The following CGB1 variants were observed in gnomAD, a reference collection of about 807,000 sequenced individuals.
CGB1 encodes chorionic gonadotropin subunit beta 1.
Under a neutral mutation model 7.0 loss-of-function variants are expected in CGB1, and 4 were observed. The ratio of observed to expected loss-of-function variants is 0.57; its 90% CI spans 0.28 to 1.31. The LOEUF is 1.31. Among genes scored for constraint, CGB1 ranks in the 50% most tolerant of loss-of-function variants. The probability of loss-of-function intolerance (pLI) is 0.10; values close to 1 mark genes in which losing one functional copy is unlikely to be tolerated. For synonymous variants in CGB1, 72 were observed against 96.4 expected, an observed-to-expected ratio of 0.75 and a Z score of 1.48; for missense variants, 139 against 219.1, an observed-to-expected ratio of 0.63 and a Z score of 2.31.
At position 49,036,863 on chromosome 19, in the gene CGB1, T is replaced by C; in HGVS notation, c.-152A>G. ...AGTCAGCGGACCCAATTGGCTGCTC[T>C]CTCTCAGATGCAGTTCCCCTTCCTC... On this transcript the variant is annotated 5_prime_UTR_variant, in exon 1 of 3. Transcript: ENST00000301407. 9.1e-7 allele frequency: 1 copy of C among 1,093,472 alleles called. No individual in the cohort carries two copies. The highest frequency in any genetic ancestry group is 1.3e-5 in the South Asian group (1 of 74,286). The allele number at this position is 1,093,472 out of a possible 1,614,324, so 67.7% of individuals were successfully genotyped here.
intron 1 of CGB1, 102 bp from the exon 2 acceptor site, chr19:49,036,405 T>C: frequency 6.3e-7 from 1 of 1,599,206 alleles, no homozygotes. Context: ...CAGAGACCCT[T>C]CCCGGCATCT....
At chr19:49,036,515 A>T in intron 1 of CGB1, 188 bp downstream of exon 1, 3 of 1,594,210 alleles carry the variant, frequency 1.9e-6, no homozygotes, top group South Asian at 1.1e-5. Context: ...CACCCTCAGG[A>T]ACTGACCCAC....
chr19:49,035,605 G>A lies in CGB1; in HGVS notation c.*5C>T. 6.2e-7 allele frequency: 1 copy of A among 1,611,882 alleles called. No individual in the cohort carries two copies. Among genetic ancestry groups the A allele is most frequent in the East Asian group, 2.2e-5 (1 of 44,870 alleles). On this transcript the variant is annotated 3_prime_UTR_variant, in exon 3 of 3. Coordinates refer to ENST00000301407, the MANE Select transcript of CGB1 (RefSeq NM_033377.2). Reference sequence around the variant, plus strand: ...AAGCCTTTATTGTGGGAGGATCGGGGTGTCCTAGGGCCCCGGGAGACGGGA... The same window carrying A: ...AAGCCTTTATTGTGGGAGGATCGGGATGTCCTAGGGCCCCGGGAGACGGGA...
At position 49,036,477 on chromosome 19, in the gene CGB1, C is replaced by A. The variant is rs1045073341; in HGVS notation, c.10-174G>T. Reference sequence around the variant, plus strand: ...AGAGCCCACCCCACAGCCCAGAGGACCTGAGATACCCCAACATTTCAGATC... The same window carrying A: ...AGAGCCCACCCCACAGCCCAGAGGAACTGAGATACCCCAACATTTCAGATC... On this transcript the variant is annotated intron_variant, in intron 1 of 2. Transcript: ENST00000301407. The A allele has an allele frequency of 2.6e-6, 4 of 1,553,198 alleles. No homozygotes were observed. In the African/African-American group the frequency reaches 5.4e-5, roughly 21 times the overall value.
chr19:49,035,974 C>T, intron 2 of CGB1, 74 bp from the exon 3 acceptor site: 4 of 1,254,952 alleles, frequency 3.2e-6, no homozygotes, highest in Non-Finnish European at 4.3e-6. Context: ...CAGCTGCCCC[C>T]ACAGGTCTCA....
chr19:49,036,786 G>T lies in CGB1; in HGVS notation c.-75C>A, dbSNP rs1270624555. 4 of 1,608,062 alleles carry T rather than the reference G, an allele frequency of 2.5e-6. No homozygotes were observed. The highest frequency in any genetic ancestry group is 3.4e-6 in the Non-Finnish European group (4 of 1,174,906). ...GGAAAGTAAATTGAGTCTCCGTGGG[G>T]GAGTGAGACAGGGAGTGAGGGGTGT... On this transcript the variant is annotated 5_prime_UTR_variant, in exon 1 of 3. Coordinates refer to ENST00000301407, the MANE Select transcript of CGB1 (RefSeq NM_033377.2).
rs368040682 is a variant in CGB1, at chr19:49,036,055, G to A, written c.177+81C>T. 21 of 1,589,906 alleles carry A rather than the reference G, an allele frequency of 1.3e-5. No homozygotes were observed. The East Asian group carries it at 4.3e-4, about 32-fold the overall frequency. Reference sequence around the variant, plus strand: ...CATTCCGCAGCCCCTGACCAGAGAGGCAGACCACCCTTCCTCCCCCGCTGC... The same window carrying A: ...CATTCCGCAGCCCCTGACCAGAGAGACAGACCACCCTTCCTCCCCCGCTGC... On this transcript the variant is annotated intron_variant, in intron 2 of 2. Transcript: ENST00000301407.
rs2039826306 is a variant in CGB1 at position 49,036,806 on chromosome 19, G to C, written c.-95C>G. 1.6e-5 allele frequency: 25 copies of C among 1,588,156 alleles called. No homozygotes were observed. Among genetic ancestry groups the C allele is most frequent in the Non-Finnish European group, 2.1e-5 (24 of 1,157,154 alleles). ...GTGGGGGAGTGAGACAGGGAGTGAGGGGTGTTGGACGCGGCACGGGAACCT... is the reference window on the plus strand; with the variant it reads ...GTGGGGGAGTGAGACAGGGAGTGAGCGGTGTTGGACGCGGCACGGGAACCT... On this transcript the variant is annotated 5_prime_UTR_variant, in exon 1 of 3. Coordinates refer to ENST00000301407, the MANE Select transcript of CGB1 (RefSeq NM_033377.2).
In CGB1 at chr19:49,035,588, A is replaced by G; in HGVS notation, c.*22T>C. ...CCAGAGTGCGGATTGAGAAGCCTTT[A>G]TTGTGGGAGGATCGGGGTGTCCTAG... On this transcript the variant is annotated 3_prime_UTR_variant, in exon 3 of 3. Coordinates refer to ENST00000301407, the MANE Select transcript of CGB1 (RefSeq NM_033377.2). 6.2e-7 allele frequency: 1 copy of G among 1,611,846 alleles called. No homozygotes were observed. Among genetic ancestry groups the G allele is most frequent in the Non-Finnish European group, 8.5e-7 (1 of 1,179,890 alleles).
Position 49,036,793 on chromosome 19 carries a change from G to T in CGB1, c.-82C>A. On this transcript the variant is annotated 5_prime_UTR_variant, in exon 1 of 3. Transcript: ENST00000301407. ...AAATTGAGTCTCCGTGGGGGAGTGA[G>T]ACAGGGAGTGAGGGGTGTTGGACGC... The T allele has an allele frequency of 6.2e-7, 1 of 1,602,158 alleles. No individual in the cohort carries two copies. Among genetic ancestry groups the T allele is most frequent in the Non-Finnish European group, 8.6e-7 (1 of 1,169,510 alleles).
At position 49,036,889 on chromosome 19, in the gene CGB1, C is replaced by T. The variant is rs2039828600; in HGVS notation, c.-178G>A. 5.9e-6 allele frequency: 5 copies of T among 848,600 alleles called. No homozygotes were observed. The African/African-American group carries it at 6.7e-5, about 11-fold the overall frequency. The allele number at this position is 848,600 out of a possible 1,614,324, so 52.6% of individuals were successfully genotyped here. ...CTCTCAGATGCAGTTCCCCTTCCTC[C>T]CTCCAGGGGGCGCCACGGAACGCAG... On this transcript the variant is annotated 5_prime_UTR_variant, in exon 1 of 3. Transcript: ENST00000301407.
intron 2 of CGB1, 54 bp downstream of exon 2, chr19:49,036,082 T>C (rs2039812689): frequency 6.2e-7 from 1 of 1,602,222 alleles, no homozygotes; most frequent in South Asian, 1.1e-5. Flanking sequence ...CCCCGCTGCC[T>C]CTGTGGGTCT....
chr19:49,036,585 G>A (rs2039822030), intron 1 of CGB1, 118 bp downstream of exon 1: 3 of 1,613,740 alleles, frequency 1.9e-6, no homozygotes, highest in Non-Finnish European at 2.5e-6. Context: ...AGCTCACACG[G>A]GTCTGCCCCT....
rs2039828600 is a variant in CGB1, at chr19:49,036,889, C to A, written c.-178G>T. 3.5e-6 allele frequency: 3 copies of A among 848,712 alleles called. No homozygotes were observed. The highest frequency in any genetic ancestry group is 5.6e-6 in the Non-Finnish European group (3 of 533,198). The allele number at this position is 848,712 out of a possible 1,614,324, so 52.6% of individuals were successfully genotyped here. Reference sequence around the variant, plus strand: ...CTCTCAGATGCAGTTCCCCTTCCTCCCTCCAGGGGGCGCCACGGAACGCAG... The same window carrying A: ...CTCTCAGATGCAGTTCCCCTTCCTCACTCCAGGGGGCGCCACGGAACGCAG... On this transcript the variant is annotated 5_prime_UTR_variant, in exon 1 of 3. Transcript: ENST00000301407.
chr19:49,036,326 C>A (rs1415140829), intron 1 of CGB1, 23 bp from the exon 2 acceptor site: 2 of 1,603,744 alleles, frequency 1.2e-6, no homozygotes, highest in African/African-American at 1.3e-5. Flanking sequence ...CACTGCTTCA[C>A]CCGGGTCTGA....
chr19:49,036,816 C>A lies in CGB1; in HGVS notation c.-105G>T. The A allele has an allele frequency of 5.1e-6, 8 of 1,553,862 alleles. No individual in the cohort carries two copies. Among genetic ancestry groups the A allele is most frequent in the Admixed American group, 3.4e-5 (2 of 59,536 alleles). ...GAGACAGGGAGTGAGGGGTGTTGGA[C>A]GCGGCACGGGAACCTGGCCAGAGTC... On this transcript the variant is annotated 5_prime_UTR_variant, in exon 1 of 3. Transcript: ENST00000301407.
chr19:49,035,744 G>A lies in CGB1; in HGVS notation c.334C>T (p.Arg112Cys), dbSNP rs1328312410. ...CCCCCGCAGTCAGTGGTGCTGCGGC[G>A]GCAGAGTGCACATTGACAGCTGAGA... ...VALSCQCALC[R>C]RSTTDCGGPK... is the part of the protein sequence containing the mutation. The change falls in exon 3 of 3, where the codon CGC becomes TGC. Residue 112 changes from arginine to cysteine, a missense_variant. Arg to Cys is a radical substitution (Grantham distance 180, BLOSUM62 -3). Coordinates refer to ENST00000301407, the MANE Select transcript of CGB1 (RefSeq NM_033377.2). 6.2e-7 allele frequency: 1 copy of A among 1,607,862 alleles called. No homozygotes were observed. Among genetic ancestry groups the A allele is most frequent in the African/African-American group, 1.4e-5 (1 of 73,144 alleles).
intron 1 of CGB1, 50 bp from the exon 2 acceptor site, chr19:49,036,353 C>G (rs1441782315): frequency 1.2e-6 from 2 of 1,602,258 alleles, no homozygotes; most frequent in African/African-American, 2.7e-5. Flanking sequence ...AGCCCCCAGT[C>G]CTGGCCTTCC....
In CGB1 at chr19:49,035,604, G is replaced by T; in HGVS notation, c.*6C>A. On this transcript the variant is annotated 3_prime_UTR_variant, in exon 3 of 3. Transcript: ENST00000301407. ...GAAGCCTTTATTGTGGGAGGATCGGGGTGTCCTAGGGCCCCGGGAGACGGG... is the reference window on the plus strand; with the variant it reads ...GAAGCCTTTATTGTGGGAGGATCGGTGTGTCCTAGGGCCCCGGGAGACGGG... The T allele has an allele frequency of 1.2e-6, 2 of 1,611,838 alleles. No individual in the cohort carries two copies. The highest frequency in any genetic ancestry group is 1.7e-6 in the Non-Finnish European group (2 of 1,179,924).
Sources: gnomAD v4.1 joint callset for allele counts on GRCh38, gnomAD v4.1.1 for gene constraint, MANE v1.5 for transcripts, NCBI Gene and HGNC (gene_info 2026-07-23, HGNC 2026-07-21) for gene names.